PTPRT: variants seen among roughly 807,000 people sequenced by gnomAD.
The protein encoded by PTPRT is receptor-type tyrosine-protein phosphatase T.
PTPRT carries 56 observed loss-of-function variants against 176.8 expected under a neutral mutation model. That is an observed-to-expected ratio of 0.32 (90% confidence interval 0.26 to 0.40). The LOEUF (loss-of-function observed/expected upper bound fraction) is 0.40. Among genes scored for constraint, PTPRT ranks in the 10% least tolerant of loss-of-function variants. The pLI, the probability that PTPRT is intolerant of heterozygous loss-of-function variation, is 1.00. For missense variants in PTPRT, 1,540 were observed against 1,908.2 expected, an observed-to-expected ratio of 0.81 and a Z score of 3.60; for synonymous variants, 783 against 739.0, an observed-to-expected ratio of 1.06 and a Z score of -0.96.
chr20:42,828,050 G>A (rs926810969), intron 2 of PTPRT, among the ~76,000 whole-genome samples: 2 of 152,216 alleles, frequency 1.3e-5, no homozygotes, highest in African/African-American at 2.4e-5. Flanking sequence ...GTAACAGGCA[G>A]AGATTGGAAC....
chr20:42,796,488 T>A (rs547571361), intron 2 of PTPRT, among the ~76,000 whole-genome samples: 4 of 152,300 alleles, frequency 2.6e-5, no homozygotes, highest in African/African-American at 9.6e-5. Flanking sequence ...ACAAGTAACT[T>A]GGCCAAGGTC....
At chr20:42,668,742 A>G (rs1421522238) in intron 7 of PTPRT, among the ~76,000 whole-genome samples, 1 of 149,402 alleles carries the variant, frequency 6.7e-6, no homozygotes, top group African/African-American at 2.5e-5. Context: ...TCCAGGCTGG[A>G]GTACAGTGGC....
intron 12 of PTPRT, among the ~76,000 whole-genome samples, chr20:42,308,328 T>G (rs990025998): frequency 1.3e-5 from 2 of 152,002 alleles, no homozygotes; most frequent in East Asian, 3.9e-4. Context: ...CCCTTTCCAG[T>G]GACAAAACCA....
chr20:42,990,129 CAT>C (rs1435708313), intron 1 of PTPRT, among the ~76,000 whole-genome samples: 1 of 152,200 alleles, frequency 6.6e-6, no homozygotes, highest in Non-Finnish European at 1.5e-5. Context: ...TATTAAAAAA[CAT>C]ATGCACTTTT....
intron 5 of PTPRT, among the ~76,000 whole-genome samples, chr20:42,764,716 T>C (rs1258028399): frequency 6.6e-6 from 1 of 152,178 alleles, no homozygotes; most frequent in Non-Finnish European, 1.5e-5. Context: ...TACAATCACA[T>C]CTAACTGAAA....
intron 8 of PTPRT, among the ~76,000 whole-genome samples, chr20:42,456,830 A>C (rs1399472228): frequency 6.6e-6 from 1 of 151,880 alleles, no homozygotes; most frequent in Non-Finnish European, 1.5e-5. Flanking sequence ...TTGAAGGGGG[A>C]AGTGCTTCTT....
At chr20:43,006,409 T>C (rs1984855522) in intron 1 of PTPRT, among the ~76,000 whole-genome samples, 1 of 152,200 alleles carries the variant, frequency 6.6e-6, no homozygotes, top group Non-Finnish European at 1.5e-5. Context: ...GAATCATTCA[T>C]ATGGGCTTTC....
At position 42,081,906 on chromosome 20, in the gene PTPRT, G is replaced by T; in HGVS notation, c.4248C>A (p.Asn1416Lys). The T allele has an allele frequency of 6.2e-7, 1 of 1,614,228 alleles. No individual in the cohort carries two copies. Residue 1416 changes from asparagine (N) to lysine (K), a missense_variant, in exon 30 of 31, where the codon AAC becomes AAA. Asn to Lys is a moderately conservative substitution (Grantham distance 94). Transcript: ENST00000373187. ...CCAGGGTCTCCACCATGTTGGATTT[G>T]TTGTTACGCAGTGTTTTCACGATGT... The part of the protein sequence containing the change: ...VFHIVKTLRN[N>K]KSNMVETLEQ...
chr20:42,680,908 G>A (rs1317966715), intron 6 of PTPRT, among the ~76,000 whole-genome samples: 2 of 152,200 alleles, frequency 1.3e-5, no homozygotes, highest in African/African-American at 2.4e-5. Flanking sequence ...TTTGTGTGCA[G>A]ATTAGCCTCA....
intron 12 of PTPRT, among the ~76,000 whole-genome samples, chr20:42,306,696 C>T (rs6072679): frequency 6.6e-6 from 1 of 151,932 alleles, no homozygotes; most frequent in Non-Finnish European, 1.5e-5. Flanking sequence ...ATGGGTGGTA[C>T]AGGTCTAAGG....
At chr20:42,744,590 T>C (rs1441781996) in intron 6 of PTPRT, among the ~76,000 whole-genome samples, 1 of 151,878 alleles carries the variant, frequency 6.6e-6, no homozygotes, top group South Asian at 2.1e-4. Flanking sequence ...ATTAGGAAAA[T>C]ACTAATTGCT....
At chr20:42,689,708 C>A (rs1032787106) in intron 6 of PTPRT, among the ~76,000 whole-genome samples, 5 of 152,038 alleles carry the variant, frequency 3.3e-5, no homozygotes, top group African/African-American at 1.2e-4. Context: ...TATGTAGTAT[C>A]CTGGATAAGT....
At chr20:42,290,752 G>A (rs572288628) in intron 12 of PTPRT, among the ~76,000 whole-genome samples, 1 of 152,046 alleles carries the variant, frequency 6.6e-6, no homozygotes, top group Admixed American at 6.6e-5. Flanking sequence ...ACTAGGTCAA[G>A]TCTGACTCAT....
intron 5 of PTPRT, among the ~76,000 whole-genome samples, chr20:42,758,218 G>A (rs1451613089): frequency 6.6e-6 from 1 of 152,192 alleles, no homozygotes; most frequent in Non-Finnish European, 1.5e-5. Context: ...CATGCCCTGA[G>A]TCTCCCAGTC....
chr20:42,935,708 G>A (rs181844877), intron 1 of PTPRT, among the ~76,000 whole-genome samples: 318 of 151,594 alleles, frequency 2.1e-3, no homozygotes, highest in African/African-American at 7.1e-3. Context: ...CGTCTAGTCC[G>A]GTCTAGTCTA....
chr20:43,073,461 G>T (rs2011208731), intron 1 of PTPRT, among the ~76,000 whole-genome samples: 1 of 115,902 alleles, frequency 8.6e-6, no homozygotes, highest in Non-Finnish European at 1.7e-5. Context: ...TATGTAGAAA[G>T]CACAGGAATA....
chr20:42,065,715 A>G, the PTPRT span, among the ~76,000 whole-genome samples: 1 of 152,228 alleles, frequency 6.6e-6, no homozygotes, highest in African/African-American at 2.4e-5. Context: ...TTATTGGTCA[A>G]GACTTGTCAC....
chr20:42,305,100 C>T (rs1467591102), intron 12 of PTPRT, among the ~76,000 whole-genome samples: 1 of 152,168 alleles, frequency 6.6e-6, no homozygotes, highest in Admixed American at 6.5e-5. Flanking sequence ...TGCTTGTAAT[C>T]CCAGCACTTT....
chr20:42,979,365 C>A (rs1039363699), intron 1 of PTPRT, among the ~76,000 whole-genome samples: 2 of 152,108 alleles, frequency 1.3e-5, no homozygotes, highest in Admixed American at 1.3e-4. Context: ...TTTTTACTTA[C>A]AAATGTTTAT....
Sources: allele counts gnomAD v4.1 joint callset (sites outside exome capture counted in the v4.1 genomes callset), GRCh38; gene constraint gnomAD v4.1.1; transcripts MANE v1.5; gene names NCBI Gene and HGNC (gene_info 2026-07-23, HGNC 2026-07-21).